KIF14: variants seen among roughly 807,000 people sequenced by gnomAD.
KIF14 encodes kinesin-like protein KIF14.
A neutral mutation model predicts 176.2 loss-of-function variants in KIF14; 98 were observed. That is an observed-to-expected ratio of 0.56 (90% confidence interval 0.47 to 0.66). The LOEUF is 0.66. KIF14 is among the 30% of genes least tolerant of loss of function. The pLI, the probability that KIF14 is intolerant of heterozygous loss-of-function variation, is 0.00. For synonymous variants in KIF14, 566 were observed against 632.2 expected (o/e 0.90, Z 1.57); for missense variants, 1,751 against 1,920.4 (o/e 0.91, Z 1.65).
chr1:200,605,338 T>C lies in KIF14; in HGVS notation c.1691A>G (p.Asn564Ser), dbSNP rs1439721234. Reference protein sequence around the residue: ...KQRATAATGMNDKSSRSHSVF... With the variant: ...KQRATAATGMSDKSSRSHSVF... ...TGAATGAGATCGGGAACTTTTATCA[T>C]TCATACCAGTAGCAGCAGTAGCTCT... The change falls in exon 8 of 30, where the codon AAT becomes AGT. Residue 564 changes from asparagine to serine, a missense_variant. Asn to Ser is a conservative substitution (Grantham distance 46). Transcript: ENST00000367350. The C allele has an allele frequency of 6.2e-7, 1 of 1,613,806 alleles. No individual in the cohort carries two copies. The highest frequency in any genetic ancestry group is 1.7e-5 in the Admixed American group (1 of 60,010).
chr1:200,606,840 TA>T lies in KIF14; in HGVS notation c.1555-43del, dbSNP rs1659907736. The T allele has an allele frequency of 2.1e-6, 3 of 1,438,172 alleles. No individual in the cohort carries two copies. The South Asian group carries it at 3.4e-5, about 16-fold the overall frequency. The allele number at this position is 1,438,172 out of a possible 1,614,324, so 89.1% of individuals were successfully genotyped here. On this transcript the variant is annotated intron_variant, in intron 5 of 29. Transcript: ENST00000367350. ...CATGCATCATTAGGAGTATGACAAA[TA>T]TTTCATGTAACTTGAAATGATCACT...
intron 23 of KIF14, among the ~76,000 whole-genome samples, chr1:200,568,860 T>A (rs1243261294): frequency 6.6e-6 from 1 of 152,142 alleles, no homozygotes; most frequent in African/African-American, 2.4e-5. Context: ...CAGGTTATTG[T>A]GTGAATCAGT....
chr1:200,558,240 C>T (rs980789301), intron 27 of KIF14, among the ~76,000 whole-genome samples: 10 of 152,198 alleles, frequency 6.6e-5, no homozygotes, highest in Admixed American at 5.9e-4. Flanking sequence ...CAGGCATGAG[C>T]TACCATCCCT....
intron 21 of KIF14, among the ~76,000 whole-genome samples, chr1:200,576,464 C>A (rs1290760645): frequency 7.7e-6 from 1 of 129,750 alleles, no homozygotes; most frequent in Admixed American, 8.5e-5. Flanking sequence ...GGCGACAGAG[C>A]GAGACTCCGT....
chr1:200,554,426 A>G (rs761685646), intron 29 of KIF14, 42 bp downstream of exon 29: 3 of 1,332,076 alleles, frequency 2.3e-6, no homozygotes, highest in Non-Finnish European at 3.1e-6. Context: ...GGTTCCTTAA[A>G]ATATAAAATT....
At chr1:200,592,277 T>C (rs1358031622) in intron 15 of KIF14, 37 bp from the exon 16 acceptor site, 1 of 1,549,942 alleles carries the variant, frequency 6.5e-7, no homozygotes, top group Non-Finnish European at 8.7e-7. Flanking sequence ...TTGAGGTGAG[T>C]CTCAACCAAA....
At chr1:200,569,064 G>A (rs1053729814) in intron 23 of KIF14, among the ~76,000 whole-genome samples, 3 of 151,600 alleles carry the variant, frequency 2.0e-5, no homozygotes, top group Non-Finnish European at 2.9e-5. Flanking sequence ...TAGCTGGGAT[G>A]ACAGGCATGC....
chr1:200,612,366 C>A (rs1336152782), intron 4 of KIF14, among the ~76,000 whole-genome samples: 9 of 152,200 alleles, frequency 5.9e-5, no homozygotes, highest in African/African-American at 1.9e-4. Flanking sequence ...CACGCAAAAT[C>A]TGAGCCTCCT....
intron 22 of KIF14, among the ~76,000 whole-genome samples, chr1:200,572,375 C>G (rs951675804): frequency 4.6e-5 from 7 of 152,110 alleles, no homozygotes; most frequent in African/African-American, 1.7e-4. Flanking sequence ...GACGGAGGCT[C>G]GCTCTATCGC....
rs1657676675 is a variant in KIF14, at chr1:200,569,828, GCA to G, written c.3661+81_3661+82del. 13 of 713,234 alleles carry G rather than the reference GCA, an allele frequency of 1.8e-5. No individual in the cohort carries two copies. The South Asian group carries it at 3.2e-4, about 17-fold the overall frequency. 44.2% of individuals were successfully genotyped at this position (713,234 alleles called of 1,614,324 possible). ...AAGCTTCCAGGAAATGAAATGATTT[GCA>G]CACGGATAAGAAAAAATGTAATGGT... is the stretch of plus-strand genomic sequence containing the variant. On this transcript the variant is annotated intron_variant, in intron 23 of 29. Transcript: ENST00000367350.
chr1:200,559,329 C>A lies in KIF14; in HGVS notation c.4353+1G>T, dbSNP rs1657002073. On this transcript the variant is annotated splice_donor_variant, in intron 27 of 29. Transcript: ENST00000367350. LOFTEE classifies it high-confidence loss of function. ...ACAGAATATTCTTTTATTCATCTTACCTCATTTTTTGTACACTGCCTAAAG... is the reference window on the plus strand; with the variant it reads ...ACAGAATATTCTTTTATTCATCTTAACTCATTTTTTGTACACTGCCTAAAG... The A allele has an allele frequency of 2.6e-6, 4 of 1,547,614 alleles. No individual in the cohort carries two copies. Among genetic ancestry groups the A allele is most frequent in the Non-Finnish European group, 3.5e-6 (4 of 1,149,168 alleles).
At chr1:200,590,592 TAA>T (rs1439435443) in intron 16 of KIF14, among the ~76,000 whole-genome samples, 1 of 152,098 alleles carries the variant, frequency 6.6e-6, no homozygotes, top group East Asian at 1.9e-4. Context: ...AAAAAAAGAA[TAA>T]GAGTATAAAA....
rs140983187 is a variant in KIF14, at chr1:200,606,958, T to C, written c.1555-160A>G. Reference sequence around the variant, plus strand: ...AAAAACTCTCACAAAAACAAATCTGTAAGGCATTAGGAAACAGCTTCAATA... The same window carrying C: ...AAAAACTCTCACAAAAACAAATCTGCAAGGCATTAGGAAACAGCTTCAATA... On this transcript the variant is annotated intron_variant, in intron 5 of 29. Coordinates refer to ENST00000367350, the MANE Select transcript of KIF14 (RefSeq NM_014875.3). Among the ~76,000 whole-genome samples the C allele has an allele frequency of 3.9e-4, 59 of 151,658 alleles. No homozygotes were observed. In the East Asian group the frequency reaches 5.5e-3, roughly 14 times the overall value.
intron 1 of KIF14, among the ~76,000 whole-genome samples, chr1:200,619,469 T>C (rs1227421559): frequency 6.6e-6 from 1 of 152,110 alleles, no homozygotes; most frequent in Non-Finnish European, 1.5e-5. Flanking sequence ...TCTCCTGCCT[T>C]AGCCTCCCAA....
At chr1:200,615,127 T>C (rs914414875) in intron 3 of KIF14, among the ~76,000 whole-genome samples, 3 of 152,144 alleles carry the variant, frequency 2.0e-5, no homozygotes, top group Non-Finnish European at 2.9e-5. Flanking sequence ...TACAGTAAAA[T>C]GGGGCCAATG....
At chr1:200,601,802 T>C in intron 11 of KIF14, 94 bp downstream of exon 11, 2 of 950,050 alleles carry the variant, frequency 2.1e-6, no homozygotes, top group Admixed American at 5.0e-5. Context: ...GAAAAACACC[T>C]TTGATGTTCA....
At position 200,565,211 on chromosome 1, in the gene KIF14, G is replaced by C. The variant is rs764914877; in HGVS notation, c.3929C>G (p.Thr1310Ser). 6.2e-7 allele frequency: 1 copy of C among 1,612,702 alleles called. No homozygotes were observed. The highest frequency in any genetic ancestry group is 8.5e-7 in the Non-Finnish European group (1 of 1,179,652). ...TACTAGCTGCTCAAAAGCACATGCA[G>C]TCTGAATAGTAAGTGACTGGATTGC... ...DRAIQSLTIQ[T>S]ACAFEQLVVL... The change falls in exon 25 of 30, where the codon ACT becomes AGT. Residue 1310 changes from threonine to serine, a missense_variant. Coordinates refer to ENST00000367350, the MANE Select transcript of KIF14 (RefSeq NM_014875.3).
At chr1:200,576,409 C>T (rs1558059139) in intron 21 of KIF14, among the ~76,000 whole-genome samples, 2 of 145,426 alleles carry the variant, frequency 1.4e-5, no homozygotes, top group African/African-American at 5.1e-5. Context: ...ACCCGGGAGG[C>T]GGAGCTTGCA....
chr1:200,601,339 G>C (rs1027556487), intron 11 of KIF14, among the ~76,000 whole-genome samples: 1 of 152,302 alleles, frequency 6.6e-6, no homozygotes, highest in African/African-American at 2.4e-5. Context: ...AGAGGACAAA[G>C]GGGCATGAAA....
Sources: gnomAD v4.1 joint callset for allele counts (sites outside exome capture counted in the v4.1 genomes callset) on GRCh38, gnomAD v4.1.1 for gene constraint, MANE v1.5 for transcripts, NCBI Gene and HGNC (gene_info 2026-07-23, HGNC 2026-07-21) for gene names.